Variants in ARNT2 observed in about 807,000 individuals in gnomAD.
ARNT2 encodes aryl hydrocarbon receptor nuclear translocator 2.
ARNT2 carries 36 observed loss-of-function variants against 91.7 expected under a neutral mutation model. That is an observed-to-expected ratio of 0.39 (90% CI 0.30 to 0.52). ARNT2 has a LOEUF of 0.52. ARNT2 is among the 20% of genes least tolerant of loss of function. ARNT2 has a pLI of 0.72. For missense variants in ARNT2, 775 were observed against 939.3 expected (o/e 0.83, Z 2.29); for synonymous variants, 365 against 347.1 (o/e 1.05, Z -0.57).
intron 12 of ARNT2, among the ~76,000 whole-genome samples, chr15:80,569,822 G>A (rs772202696): frequency 6.6e-6 from 1 of 152,254 alleles, no homozygotes. Flanking sequence ...AGTGGAGAGG[G>A]CCAGGTTTGT....
chr15:80,536,418 T>C (rs556506100), intron 8 of ARNT2, among the ~76,000 whole-genome samples: 1 of 152,304 alleles, frequency 6.6e-6, no homozygotes, highest in South Asian at 2.1e-4. Flanking sequence ...GCCAGTGCGA[T>C]GTTGCCTGCC....
In ARNT2 at chr15:80,593,422, C is replaced by T. The variant is rs146142592; in HGVS notation, c.2056-178C>T. Among the ~76,000 whole-genome samples, 448 of 152,346 alleles carry T rather than the reference C, an allele frequency of 2.9e-3. 4 individuals are homozygous for T. The highest frequency in any genetic ancestry group is 5.4e-3 in the Non-Finnish European group (364 of 68,036). On this transcript the variant is annotated intron_variant, in intron 18 of 18. Coordinates refer to ENST00000303329, the MANE Select transcript of ARNT2 (RefSeq NM_014862.4). ...AGCTCCCTGGGGAGAACAGTTTCCC[C>T]GGGTCTCAGACATTTGAGGACCCTT...
rs142977863 is a variant in ARNT2, at chr15:80,418,771, G to A, written c.31+14225G>A. ...TGTACCTCCTTACCTGGCCCTGCTG[G>A]GCCTCAGGCTGAGTCCCAAGACAAT... On this transcript the variant is annotated intron_variant, in intron 1 of 18. Transcript: ENST00000303329. 4.2e-3 allele frequency among the ~76,000 whole-genome samples: 644 copies of A among 152,306 alleles called. 4 individuals carry two copies. Among genetic ancestry groups the A allele is most frequent in the African/African-American group, 0.015 (610 of 41,558 alleles).
At chr15:80,458,110 G>C in intron 3 of ARNT2, 134 bp downstream of exon 3, 1 of 902,442 alleles carries the variant, frequency 1.1e-6, no homozygotes, top group Non-Finnish European at 1.7e-6. Flanking sequence ...TCACTCTGTG[G>C]CAGTATTTGG....
intron 6 of ARNT2, among the ~76,000 whole-genome samples, chr15:80,510,395 G>A (rs1897324987): frequency 1.3e-5 from 2 of 152,098 alleles, no homozygotes; most frequent in African/African-American, 4.8e-5. Context: ...AAGGACGTGA[G>A]CAGACACTTT....
chr15:80,534,910 C>T (rs1427831329), intron 8 of ARNT2, among the ~76,000 whole-genome samples: 1 of 152,130 alleles, frequency 6.6e-6, no homozygotes, highest in East Asian at 1.9e-4. Context: ...TACCTGAACC[C>T]AGGTTCAGCC....
intron 10 of ARNT2, among the ~76,000 whole-genome samples, chr15:80,553,526 T>G (rs1035836626): frequency 7.2e-5 from 11 of 152,214 alleles, no homozygotes; most frequent in Non-Finnish European, 1.3e-4. Flanking sequence ...AGTACCATGA[T>G]GTCCACAACT....
chr15:80,443,413 T>C (rs1180930887), intron 1 of ARNT2, among the ~76,000 whole-genome samples: 3 of 151,408 alleles, frequency 2.0e-5, no homozygotes, highest in Non-Finnish European at 4.4e-5. Context: ...CTTCCGAGTG[T>C]GGAATGAGTG....
intron 2 of ARNT2, among the ~76,000 whole-genome samples, chr15:80,451,706 T>TAACC (rs891185278): frequency 7.6e-5 from 11 of 144,708 alleles, no homozygotes; most frequent in African/African-American, 2.6e-4. Flanking sequence ...ATCAACCAAC[T>TAACC]AACCAACCAA....
chr15:80,547,075 T>A (rs1239528483), intron 8 of ARNT2, among the ~76,000 whole-genome samples: 1 of 152,100 alleles, frequency 6.6e-6, no homozygotes, highest in African/African-American at 2.4e-5. Context: ...GGAATGGCAA[T>A]GCATAGAGCA....
At chr15:80,484,757 C>T (rs1319735520) in intron 5 of ARNT2, among the ~76,000 whole-genome samples, 4 of 152,204 alleles carry the variant, frequency 2.6e-5, no homozygotes, top group African/African-American at 9.7e-5. Flanking sequence ...GAAGGCTGGC[C>T]TCCCTGCACA....
intron 4 of ARNT2, among the ~76,000 whole-genome samples, chr15:80,472,226 G>T (rs952820071): frequency 6.6e-6 from 1 of 152,146 alleles, no homozygotes; most frequent in African/African-American, 2.4e-5. Flanking sequence ...AAGACACAGC[G>T]TGTGGCCAAG....
chr15:80,404,491 CG>C lies in ARNT2; in HGVS notation c.-22del. The C allele has an allele frequency of 8.1e-7, 1 of 1,232,122 alleles. No homozygotes were observed. Among genetic ancestry groups the C allele is most frequent in the Non-Finnish European group, 1.0e-6 (1 of 967,994 alleles). 76.3% of individuals were successfully genotyped at this position (1,232,122 alleles called of 1,614,324 possible). A position where few individuals can be genotyped will look rare whatever the true frequency, so the allele number is the denominator to read the frequency against. On this transcript the variant is annotated 5_prime_UTR_variant, in exon 1 of 19. Coordinates refer to ENST00000303329, the MANE Select transcript of ARNT2 (RefSeq NM_014862.4). The surrounding 1 kb of genome is among the most constrained non-coding windows in gnomAD (Gnocchi z 5.5). ...CCGCCCCTCCCGCGCCCCTGCCAAG[CG>C]GGCGCCTATCCTCTCCGAGCAAGAT...
chr15:80,534,052 G>A (rs1011417868), intron 8 of ARNT2, among the ~76,000 whole-genome samples: 1 of 152,244 alleles, frequency 6.6e-6, no homozygotes, highest in African/African-American at 2.4e-5. Context: ...CTAGGCAAAG[G>A]AAGATGCTTT....
chr15:80,520,148 A>G (rs1897516531), intron 8 of ARNT2, among the ~76,000 whole-genome samples: 1 of 152,034 alleles, frequency 6.6e-6, no homozygotes, highest in South Asian at 2.1e-4. Context: ...CATGCGCAAA[A>G]TAGACACAAT....
Position 80,450,892 on chromosome 15 carries a change from A to G in ARNT2, c.44A>G (p.Asp15Gly). 1.2e-6 allele frequency: 2 copies of G among 1,614,180 alleles called. No individual in the cohort carries two copies. The highest frequency in any genetic ancestry group is 1.7e-6 in the Non-Finnish European group (2 of 1,180,026). ...AAVNPPEMAS[D>G]IPGSVTLPVA... ...TGCTGAATTCCAGAAATGGCTTCAGACATACCTGGATCTGTGACGTTGCCC... is the reference window on the plus strand; with the variant it reads ...TGCTGAATTCCAGAAATGGCTTCAGGCATACCTGGATCTGTGACGTTGCCC... Residue 15 changes from aspartate (D) to glycine (G), a missense_variant, in exon 2 of 19, where the codon GAC becomes GGC. This residue lies in a region of ARNT2 where 79 missense variants were observed against 83.8 expected (regional missense o/e 0.94). Transcript: ENST00000303329.
intron 3 of ARNT2, among the ~76,000 whole-genome samples, chr15:80,467,033 A>G (rs1056105780): frequency 2.0e-5 from 3 of 152,218 alleles, no homozygotes; most frequent in Admixed American, 6.5e-5. Context: ...TCTTTGGATA[A>G]TAGTATCAGA....
chr15:80,415,828 G>A (rs1026332078), intron 1 of ARNT2, among the ~76,000 whole-genome samples: 4 of 152,174 alleles, frequency 2.6e-5, no homozygotes, highest in African/African-American at 9.7e-5. Context: ...AATACTGGAC[G>A]AGATCCAGAT....
chr15:80,409,427 G>A (rs12591286), intron 1 of ARNT2, among the ~76,000 whole-genome samples: 49,347 of 151,654 alleles, frequency 0.33, 8,797 homozygotes, highest in East Asian at 0.61. Context: ...TTTTGGTGCC[G>A]AAGAATATTC....
Sources: allele counts gnomAD v4.1 joint callset (sites outside exome capture counted in the v4.1 genomes callset), GRCh38; gene constraint gnomAD v4.1.1; regional missense constraint gnomAD v4.1.1; non-coding constraint Gnocchi (gnomAD v3.1); transcripts MANE v1.5; gene names NCBI Gene and HGNC (gene_info 2026-07-23, HGNC 2026-07-21).